Variants in UTRN observed in about 807,000 individuals in gnomAD.
UTRN encodes the protein utrophin.
UTRN carries 283 observed loss-of-function variants against 463.9 expected under a neutral mutation model. The observed-to-expected ratio is 0.61, with a 90% CI of 0.55 to 0.67. The LOEUF (loss-of-function observed/expected upper bound fraction) is 0.67. UTRN is among the 30% of genes least tolerant of loss of function. The pLI is 0.00. For synonymous variants in UTRN, 1,442 were observed against 1,431.5 expected, an observed-to-expected ratio of 1.01 and a Z score of -0.17; for missense variants, 3,922 against 4,084.3, an observed-to-expected ratio of 0.96 and a Z score of 1.08.
chr6:144,352,000 C>A (rs374351054), intron 2 of UTRN, among the ~76,000 whole-genome samples: 2 of 152,208 alleles, frequency 1.3e-5, no homozygotes, highest in African/African-American at 4.8e-5. Flanking sequence ...AGTCACTTGG[C>A]TTCTGCCCTG....
At chr6:144,793,685 G>T in intron 62 of UTRN, 149 bp from the exon 63 acceptor site, 1 of 900,026 alleles carries the variant, frequency 1.1e-6, no homozygotes, top group Non-Finnish European at 1.7e-6. Flanking sequence ...GAATATTAAG[G>T]TCATTGGAAT....
At chr6:144,692,154 G>C (rs1311458982) in intron 52 of UTRN, among the ~76,000 whole-genome samples, 2 of 152,158 alleles carry the variant, frequency 1.3e-5, no homozygotes, top group Non-Finnish European at 2.9e-5. Flanking sequence ...TTGGTTTTCT[G>C]TTCCTGCATT....
Position 144,436,147 on chromosome 6 carries a change from C to A in UTRN, c.1059+9C>A. ...AGTTTGCAACCCATGAAGTAAATAT[C>A]TGTAGTTTCTTAGCAGGGTGTGTCC... is the stretch of plus-strand genomic sequence containing the variant. On this transcript the variant is annotated intron_variant, in intron 10 of 74. Transcript: ENST00000367545. 1 of 1,610,252 alleles carries A rather than the reference C, an allele frequency of 6.2e-7. No homozygotes were observed. The highest frequency in any genetic ancestry group is 8.5e-7 in the Non-Finnish European group (1 of 1,178,574).
intron 54 of UTRN, among the ~76,000 whole-genome samples, chr6:144,733,452 G>A (rs1788994926): frequency 6.7e-6 from 1 of 148,418 alleles, no homozygotes; most frequent in Non-Finnish European, 1.5e-5. Context: ...GGGAGGCAGA[G>A]ATTGCAGTTA....
chr6:144,571,198 C>G (rs1361751633), intron 50 of UTRN, among the ~76,000 whole-genome samples: 2 of 151,682 alleles, frequency 1.3e-5, no homozygotes, highest in African/African-American at 4.8e-5. Flanking sequence ...TTTAGCACAG[C>G]CTTCATTTGG....
chr6:144,747,927 A>C (rs575068632), intron 54 of UTRN, among the ~76,000 whole-genome samples: 6 of 152,206 alleles, frequency 3.9e-5, no homozygotes, highest in Non-Finnish European at 7.3e-5. Context: ...ATTTATGATA[A>C]AGAAAAATTG....
At chr6:144,323,952 A>G (rs1192571205) in intron 2 of UTRN, among the ~76,000 whole-genome samples, 2 of 152,196 alleles carry the variant, frequency 1.3e-5, no homozygotes, top group Non-Finnish European at 2.9e-5. Flanking sequence ...TCTGATCTGC[A>G]AGGTGGCCTT....
intron 57 of UTRN, among the ~76,000 whole-genome samples, chr6:144,755,812 C>G (rs1791929053): frequency 6.6e-6 from 1 of 152,080 alleles, no homozygotes; most frequent in Non-Finnish European, 1.5e-5. Context: ...TATCTTCTAA[C>G]TAAATTGATT....
intron 2 of UTRN, among the ~76,000 whole-genome samples, chr6:144,320,785 C>G (rs907110918): frequency 6.6e-6 from 1 of 152,234 alleles, no homozygotes; most frequent in African/African-American, 2.4e-5. Flanking sequence ...CTTTCGCATT[C>G]AGGTTGAAGA....
In UTRN at chr6:144,485,494, C is replaced by T. The variant is rs755486850; in HGVS notation, c.3797C>T (p.Thr1266Met). The T allele has an allele frequency of 8.1e-6, 13 of 1,614,058 alleles. No homozygotes were observed. Among genetic ancestry groups the T allele is most frequent in the African/African-American group, 4.0e-5 (3 of 75,010 alleles). The change falls in exon 28 of 75, where the codon ACG becomes ATG. Residue 1266 changes from threonine (T) to methionine (M), a missense_variant. Physicochemically the swap from Thr to Met is moderately conservative, Grantham distance 81 (BLOSUM62 -1). This residue lies in a region of UTRN where 2,349 missense variants were observed against 2,303.8 expected (regional missense o/e 1.02). Coordinates refer to ENST00000367545, the MANE Select transcript of UTRN (RefSeq NM_007124.3). ...AGCACAGAGGTCCTGCCTGAGAAGACGGATGCTGTCAACGAAGCCCTGGAG... is the reference window on the plus strand; with the variant it reads ...AGCACAGAGGTCCTGCCTGAGAAGATGGATGCTGTCAACGAAGCCCTGGAG... ...MKSTEVLPEK[T>M]DAVNEALESL...
At chr6:144,672,290 C>CTT (rs752185187) in intron 51 of UTRN, among the ~76,000 whole-genome samples, 2 of 143,922 alleles carry the variant, frequency 1.4e-5, no homozygotes, top group Non-Finnish European at 3.1e-5. Flanking sequence ...CTGGTGTGGA[C>CTT]TTTTTTTTTT....
At chr6:144,599,952 ACT>A (rs1392369581) in intron 51 of UTRN, among the ~76,000 whole-genome samples, 1 of 151,914 alleles carries the variant, frequency 6.6e-6, no homozygotes, top group African/African-American at 2.4e-5. Context: ...CAGTTTGGTA[ACT>A]CTTGCAATAT....
At chr6:144,708,279 T>G (rs1785294762) in intron 53 of UTRN, 1 of 661,310 alleles carries the variant, frequency 1.5e-6, no homozygotes. Flanking sequence ...GCAATAGAGT[T>G]GTAAGTACTG....
At chr6:144,435,800 C>G in intron 9 of UTRN, 135 bp from the exon 10 acceptor site, 1 of 844,726 alleles carries the variant, frequency 1.2e-6, no homozygotes, top group Admixed American at 2.5e-5. Flanking sequence ...TGGCAGTGCC[C>G]ATTTGGCTCC....
intron 51 of UTRN, among the ~76,000 whole-genome samples, chr6:144,637,333 C>T (rs960153578): frequency 3.3e-5 from 5 of 152,072 alleles, no homozygotes; most frequent in Non-Finnish European, 7.4e-5. Context: ...GTGGCCCTTA[C>T]GTTACTCTGC....
chr6:144,654,836 G>T (rs1333071732), intron 51 of UTRN, among the ~76,000 whole-genome samples: 1 of 152,194 alleles, frequency 6.6e-6, no homozygotes, highest in Non-Finnish European at 1.5e-5. Flanking sequence ...TTAGAAGGTT[G>T]CTGAAGGCTG....
chr6:144,481,264 G>A (rs1028462181), intron 26 of UTRN, among the ~76,000 whole-genome samples: 1 of 152,162 alleles, frequency 6.6e-6, no homozygotes, highest in African/African-American at 2.4e-5. Context: ...GTGAAAGACT[G>A]TTTTATTTGT....
chr6:144,718,463 TA>T (rs1455295405), intron 53 of UTRN, among the ~76,000 whole-genome samples: 1 of 152,118 alleles, frequency 6.6e-6, no homozygotes, highest in Non-Finnish European at 1.5e-5. Context: ...CCCTGTCTCT[TA>T]AAAAAAGTAA....
intron 42 of UTRN, among the ~76,000 whole-genome samples, chr6:144,532,503 G>A (rs1297626209): frequency 6.6e-6 from 1 of 152,178 alleles, no homozygotes; most frequent in Non-Finnish European, 1.5e-5. Context: ...AGAACAACAC[G>A]AGGGTAACCA....
Sources: gnomAD v4.1 joint callset for allele counts (sites outside exome capture counted in the v4.1 genomes callset) on GRCh38, gnomAD v4.1.1 for gene constraint, gnomAD v4.1.1 regional missense constraint, MANE v1.5 for transcripts, NCBI Gene and HGNC (gene_info 2026-07-23, HGNC 2026-07-21) for gene names.